The following SPDYE2 variants were observed in gnomAD, a reference collection of about 807,000 sequenced individuals.
SPDYE2 encodes the protein speedy protein E2.
For synonymous variants in SPDYE2, 2 were observed against 45.1 expected, an observed-to-expected ratio of 0.04 and a Z score of 3.83; for missense variants, 1 against 121.0, an observed-to-expected ratio of 0.01 and a Z score of 4.65.
chr7:102,555,001 G>A (rs1586811987), intron 3 of SPDYE2, among the ~76,000 whole-genome samples: 1 of 134,808 alleles, frequency 7.4e-6, no homozygotes, highest in East Asian at 2.1e-4. Flanking sequence ...CCATTACTTT[G>A]GGAGGCTGAG....
At chr7:102,563,088 G>C (rs1312164896) in exon 9 of SPDYE2, 2 of 148,186 alleles carry the variant, frequency 1.3e-5, no homozygotes, top group Admixed American at 1.4e-4. Context: ...TGGTATTTTT[G>C]AATAGATGCT....
At chr7:102,553,635 A>C (rs1260356195) in intron 2 of SPDYE2, among the ~76,000 whole-genome samples, 4 of 49,772 alleles carry the variant, frequency 8.0e-5, no homozygotes, top group African/African-American at 1.5e-4. Flanking sequence ...CACACCTGTA[A>C]TCCCAGCTAC....
downstream of SPDYE2, chr7:102,564,981 G>A (rs1239211777): frequency 3.0e-5 from 4 of 134,658 alleles, no homozygotes; most frequent in East Asian, 4.5e-4. Flanking sequence ...GTGAGCCACC[G>A]CGCCCAGCCT....
exon 9 of SPDYE2, chr7:102,562,913 A>G (rs1800923064): frequency 7.0e-6 from 1 of 143,042 alleles, no homozygotes; most frequent in Non-Finnish European, 1.5e-5. Context: ...AGATATATAT[A>G]CTAACACGTC....
At chr7:102,553,580 C>A (rs1404835451) in intron 2 of SPDYE2, among the ~76,000 whole-genome samples, 165 bp downstream of exon 2, 2 of 40,034 alleles carry the variant, frequency 5.0e-5, no homozygotes, top group African/African-American at 8.9e-5. Flanking sequence ...ATGGTGAAAC[C>A]CCATCTCTAC....
intron 3 of SPDYE2, 104 bp downstream of exon 3, chr7:102,554,681 T>C: frequency 6.5e-7 from 1 of 1,545,270 alleles, no homozygotes; most frequent in Non-Finnish European, 8.7e-7. Flanking sequence ...CCCCAGTGGC[T>C]GAGCTCTCCA....
rs60939135 is a variant in SPDYE2 at position 102,553,713 on chromosome 7, C to G, written c.160+298C>G. Among the ~76,000 whole-genome samples the G allele has an allele frequency of 1.3e-4, 5 of 38,678 alleles. 2 individuals carry two copies. In the South Asian group the frequency reaches 5.2e-3, roughly 40 times the overall value. The allele number at this position is 38,678 out of a possible 152,430, so 25.4% of individuals were successfully genotyped here. A position where few individuals can be genotyped will look rare whatever the true frequency, so the allele number is the denominator to read the frequency against. ...GAGGTTGCAGTGAGCTGAGAGCACGCTACTGCACTCCAAAAAAAGAAAAAA... is the reference window on the plus strand; with the variant it reads ...GAGGTTGCAGTGAGCTGAGAGCACGGTACTGCACTCCAAAAAAAGAAAAAA... On this transcript the variant is annotated intron_variant, in intron 2 of 8. Transcript: ENST00000507918.
chr7:102,554,836 C>G (rs1370963569), intron 3 of SPDYE2, among the ~76,000 whole-genome samples: 1 of 110,152 alleles, frequency 9.1e-6, no homozygotes, highest in Non-Finnish European at 2.2e-5. Context: ...GATGCTAGCA[C>G]GTTGGGAGGC....
chr7:102,551,579 CTA>C (rs1372246670), intron 1 of SPDYE2, among the ~76,000 whole-genome samples: 16 of 126,896 alleles, frequency 1.3e-4, no homozygotes, highest in Middle Eastern at 3.7e-3. Context: ...TGTGCCTTTT[CTA>C]TGAGCGAGAG....
downstream of SPDYE2, chr7:102,564,418 CT>C (rs1351157952): frequency 1.4e-5 from 2 of 146,992 alleles, no homozygotes; most frequent in Non-Finnish European, 3.0e-5. Context: ...TCCTCACCCC[CT>C]CTCAAAAAAA....
At chr7:102,554,763 T>C (rs1402336201) in intron 3 of SPDYE2, among the ~76,000 whole-genome samples, 186 bp downstream of exon 3, 1 of 130,486 alleles carries the variant, frequency 7.7e-6, no homozygotes, top group Non-Finnish European at 1.7e-5. Context: ...CTAGACTTGA[T>C]AAAGGTTGGC....
At chr7:102,557,452 T>C (rs1800838292) in intron 5 of SPDYE2, among the ~76,000 whole-genome samples, 3 of 127,602 alleles carry the variant, frequency 2.4e-5, no homozygotes, top group South Asian at 2.5e-4. Context: ...AGCCGATGCG[T>C]CCTGGGTTCA....
At chr7:102,561,298 T>G in intron 8 of SPDYE2, 78 bp downstream of exon 8, 1 of 547,024 alleles carries the variant, frequency 1.8e-6, no homozygotes, top group South Asian at 2.8e-5. Flanking sequence ...TTGCTTGATC[T>G]GGCTTCAAGC....
intron 5 of SPDYE2, among the ~76,000 whole-genome samples, chr7:102,557,450 C>T (rs1245272016): frequency 2.3e-5 from 3 of 131,062 alleles, no homozygotes; most frequent in African/African-American, 8.8e-5. Flanking sequence ...GCAGCCGATG[C>T]GTCCTGGGTT....
At chr7:102,557,189 G>A in exon 5 of SPDYE2, 1 of 770,032 alleles carries the variant, frequency 1.3e-6, no homozygotes, top group Non-Finnish European at 2.0e-6. Context: ...AAAGATTCTT[G>A]GCCTGGGACA....
downstream of SPDYE2, chr7:102,564,462 T>TA (rs1800987068): frequency 6.7e-6 from 1 of 148,614 alleles, no homozygotes; most frequent in Admixed American, 6.7e-5. Flanking sequence ...CTGCAGCAGT[T>TA]AAAGCTGTGA....
intron 5 of SPDYE2, among the ~76,000 whole-genome samples, chr7:102,557,607 C>A (rs1382115700): frequency 3.4e-5 from 2 of 58,024 alleles, no homozygotes; most frequent in Non-Finnish European, 6.5e-5. Flanking sequence ...GGCGATCCAC[C>A]CGCCTTGGCC....
Position 102,554,893 on chromosome 7 carries a change from GCT to G in SPDYE2, c.379+317_379+318del, listed in dbSNP as rs1285585117. Among the ~76,000 whole-genome samples, 363 of 119,694 alleles carry G rather than the reference GCT, an allele frequency of 3.0e-3. 3 individuals carry two copies. Among genetic ancestry groups the G allele is most frequent in the Non-Finnish European group, 5.4e-3 (281 of 52,018 alleles). The allele number at this position is 119,694 out of a possible 152,430, so 78.5% of individuals were successfully genotyped here. On this transcript the variant is annotated intron_variant, in intron 3 of 8. Coordinates refer to ENST00000507918, the Ensembl canonical transcript of SPDYE2. ...ACTCAGGACTTTGAGGCTGCAGTGA[GCT>G]ATGACTGCACCACTGCACTCCAGCC...
intron 2 of SPDYE2, among the ~76,000 whole-genome samples, chr7:102,553,732 G>A (rs369037323): frequency 0.57 from 14,831 of 25,938 alleles, 6,175 homozygotes; most frequent in East Asian, 1. Flanking sequence ...TCCAAAAAAA[G>A]AAAAAAAAGA....
Sources: gnomAD v4.1 joint callset for allele counts (sites outside exome capture counted in the v4.1 genomes callset) on GRCh38, gnomAD v4.1.1 for gene constraint, MANE v1.5 for transcripts, NCBI Gene and HGNC (gene_info 2026-07-23, HGNC 2026-07-21) for gene names.